Variants in ATP1A2 observed in about 807,000 individuals in gnomAD.
ATP1A2 encodes the protein sodium/potassium-transporting ATPase subunit alpha-2.
A neutral mutation model predicts 113.1 loss-of-function variants in ATP1A2; 56 were observed. The ratio of observed to expected loss-of-function variants is 0.49; its 90% CI spans 0.40 to 0.62. The LOEUF is 0.62. Ranked by LOEUF, ATP1A2 falls within the 20% of genes least tolerant of loss-of-function variation. ATP1A2 has a pLI of 0.00. For missense variants in ATP1A2, 712 were observed against 1,357.8 expected (o/e 0.52, Z 7.47); for synonymous variants, 490 against 526.8 (o/e 0.93, Z 0.96).
At chr1:160,123,134 G>T in intron 3 of ATP1A2, 79 bp from the exon 4 acceptor site, 1 of 1,517,042 alleles carries the variant, frequency 6.6e-7, no homozygotes, top group East Asian at 2.3e-5. Context: ...TCCCATGCCC[G>T]GGAGCTGAAG....
At chr1:160,140,101 C>G in intron 22 of ATP1A2, 117 bp downstream of exon 22, 1 of 1,084,252 alleles carries the variant, frequency 9.2e-7, no homozygotes, top group Non-Finnish European at 1.4e-6. Flanking sequence ...CCTCAACACC[C>G]TCAGATCCTG....
chr1:160,120,830 T>A, intron 1 of ATP1A2, 76 bp from the exon 2 acceptor site: 1 of 1,459,076 alleles, frequency 6.9e-7, no homozygotes, highest in Non-Finnish European at 9.4e-7. Context: ...CTGCCTGGGC[T>A]CCCTGGCTGA....
chr1:160,136,885 C>T lies in ATP1A2; in HGVS notation c.2710-16C>T, dbSNP rs376238008. The T allele has an allele frequency of 1.2e-6, 2 of 1,614,216 alleles. No homozygotes were observed. The highest frequency in any genetic ancestry group is 2.7e-5 in the African/African-American group (2 of 75,054). On this transcript the variant is annotated splice_polypyrimidine_tract_variant and intron_variant, in intron 19 of 22. Transcript: ENST00000361216. ...CCTCCGACACTCTCATCTGTCTCTG[C>T]CCACCCTCCCTCCAGACCTATGAGC...
intron 13 of ATP1A2, among the ~76,000 whole-genome samples, chr1:160,132,046 A>T (rs529953281): frequency 7.2e-5 from 11 of 152,308 alleles, no homozygotes; most frequent in African/African-American, 2.6e-4. Context: ...CAGCTCAGGG[A>T]AGCATTAATT....
At chr1:160,138,284 A>C (rs1192368735) in intron 20 of ATP1A2, among the ~76,000 whole-genome samples, 1 of 152,250 alleles carries the variant, frequency 6.6e-6, no homozygotes, top group Non-Finnish European at 1.5e-5. Context: ...AACCAGGCTT[A>C]CTAATGTGTC....
At chr1:160,127,489 A>C in intron 7 of ATP1A2, 63 bp from the exon 8 acceptor site, 1 of 1,609,726 alleles carries the variant, frequency 6.2e-7, no homozygotes, top group Non-Finnish European at 8.5e-7. Flanking sequence ...CTCAGGAAAT[A>C]GGATGGGACT....
At chr1:160,134,815 G>A (rs982876352) in intron 14 of ATP1A2, among the ~76,000 whole-genome samples, 195 bp downstream of exon 14, 4 of 152,186 alleles carry the variant, frequency 2.6e-5, no homozygotes, top group African/African-American at 9.7e-5. Context: ...TAACCTTGGA[G>A]ATGTCACATT....
At chr1:160,140,190 T>C (rs1369000557) in intron 22 of ATP1A2, 6 of 593,546 alleles carry the variant, frequency 1.0e-5, no homozygotes, top group Non-Finnish European at 1.5e-5. Flanking sequence ...AAACCCCGCC[T>C]AACTCACAGT....
At chr1:160,131,127 G>A (rs913307574) in intron 13 of ATP1A2, among the ~76,000 whole-genome samples, 4 of 151,992 alleles carry the variant, frequency 2.6e-5, no homozygotes, top group Admixed American at 2.6e-4. Flanking sequence ...CTATGTTTCA[G>A]ACACTGTGCA....
chr1:160,136,882 C>G lies in ATP1A2; in HGVS notation c.2710-19C>G, dbSNP rs757662486. 5.0e-6 allele frequency: 8 copies of G among 1,614,246 alleles called. No individual in the cohort carries two copies. In the Admixed American group the frequency reaches 1.3e-4, roughly 27 times the overall value. On this transcript the variant is annotated intron_variant, in intron 19 of 22. Coordinates refer to ENST00000361216, the MANE Select transcript of ATP1A2 (RefSeq NM_000702.4). Reference sequence around the variant, plus strand: ...TTTCCTCCGACACTCTCATCTGTCTCTGCCCACCCTCCCTCCAGACCTATG... The same window carrying G: ...TTTCCTCCGACACTCTCATCTGTCTGTGCCCACCCTCCCTCCAGACCTATG...
chr1:160,130,165 G>C lies in ATP1A2; in HGVS notation c.1525G>C (p.Glu509Gln). 6.2e-7 allele frequency: 1 copy of C among 1,614,234 alleles called. No homozygotes were observed. The highest frequency in any genetic ancestry group is 8.5e-7 in the Non-Finnish European group (1 of 1,180,056). ...SHVLVMKGAPERILDRCSTIL... is the reference protein window; with the variant it reads ...SHVLVMKGAPQRILDRCSTIL... ...CGTGCTGGTGATGAAGGGGGCCCCA[G>C]AGCGCATTCTGGACCGGTGCTCCAC... The change falls in exon 12 of 23, where the codon GAG becomes CAG. Residue 509 changes from glutamate to glutamine, a missense_variant. Physicochemically the swap from Glu to Gln is conservative, Grantham distance 29. This residue lies in a region of ATP1A2 where 263 missense variants were observed against 380.6 expected (regional missense o/e 0.69). Transcript: ENST00000361216.
chr1:160,124,925 C>G (rs916457094), intron 6 of ATP1A2, among the ~76,000 whole-genome samples: 4 of 152,154 alleles, frequency 2.6e-5, no homozygotes, highest in Admixed American at 6.5e-5. Flanking sequence ...AAGCAAGTAA[C>G]CCGAGGTCAC....
At chr1:160,117,374 C>A (rs982000515) in intron 1 of ATP1A2, among the ~76,000 whole-genome samples, 1 of 152,116 alleles carries the variant, frequency 6.6e-6, no homozygotes, top group African/African-American at 2.4e-5. Flanking sequence ...CTACCCTGCT[C>A]CATCTTAGAG....
At chr1:160,117,965 TG>T (rs745810097) in intron 1 of ATP1A2, among the ~76,000 whole-genome samples, 3 of 138,386 alleles carry the variant, frequency 2.2e-5, no homozygotes, top group African/African-American at 5.4e-5. Context: ...GGAGGGAGGT[TG>T]GGGGGGTCCT....
At chr1:160,129,529 TC>T (rs1651701422) in intron 11 of ATP1A2, 129 bp downstream of exon 11, 4 of 1,425,922 alleles carry the variant, frequency 2.8e-6, no homozygotes, top group Non-Finnish European at 3.9e-6. Flanking sequence ...CCCTGCTAAG[TC>T]CCCCAGGACA....
chr1:160,123,489 G>T, intron 4 of ATP1A2, 73 bp downstream of exon 4: 5 of 1,588,230 alleles, frequency 3.1e-6, no homozygotes, highest in Admixed American at 1.7e-5. Flanking sequence ...ACAGTGGGGG[G>T]TGGGCAGGGA....
intron 20 of ATP1A2, chr1:160,137,262 C>T: frequency 1.6e-6 from 1 of 615,180 alleles, no homozygotes; most frequent in Admixed American, 2.8e-5. Context: ...TTCTCTCCTT[C>T]TCTCCCTCCC....
intron 9 of ATP1A2, 38 bp downstream of exon 9, chr1:160,128,888 G>C: frequency 6.2e-7 from 1 of 1,613,082 alleles, no homozygotes; most frequent in Non-Finnish European, 8.5e-7. Context: ...TAGGATTAGA[G>C]GAGGCTGAGG....
At chr1:160,123,555 G>A (rs1008407438) in intron 4 of ATP1A2, 139 bp downstream of exon 4, 6 of 1,100,282 alleles carry the variant, frequency 5.5e-6, no homozygotes, top group African/African-American at 4.7e-5. Context: ...GCTGGAAAGG[G>A]GAGAGGCTTC....
Sources: allele counts gnomAD v4.1 joint callset (sites outside exome capture counted in the v4.1 genomes callset), GRCh38; gene constraint gnomAD v4.1.1; regional missense constraint gnomAD v4.1.1; transcripts MANE v1.5; gene names NCBI Gene and HGNC (gene_info 2026-07-23, HGNC 2026-07-21).